PCSK5: variants seen among roughly 807,000 people sequenced by gnomAD.
PCSK5 encodes the protein prohormone convertase 5.
PCSK5 carries 129 observed loss-of-function variants against 233.2 expected under a neutral mutation model. That is an observed-to-expected ratio of 0.55 (90% CI 0.48 to 0.64). PCSK5 has a LOEUF of 0.64. PCSK5 is among the 30% of genes least tolerant of loss of function. The pLI is 0.00. For missense variants in PCSK5, 2,076 were observed against 2,430.1 expected, an observed-to-expected ratio of 0.85 and a Z score of 3.06; for synonymous variants, 825 against 879.2, an observed-to-expected ratio of 0.94 and a Z score of 1.09.
intron 34 of PCSK5, among the ~76,000 whole-genome samples, chr9:76,334,225 C>A (rs1829615424): frequency 6.6e-6 from 1 of 152,194 alleles, no homozygotes; most frequent in African/African-American, 2.4e-5. Context: ...CACAGGGTCC[C>A]TCCCACAGCA....
At chr9:76,104,830 T>C (rs908937083) in intron 8 of PCSK5, among the ~76,000 whole-genome samples, 7 of 80,968 alleles carry the variant, frequency 8.6e-5, no homozygotes, top group African/African-American at 3.4e-4. Context: ...GACAAAGGAA[T>C]GTGACCATGG....
At chr9:76,218,167 G>A (rs1587770832) in intron 20 of PCSK5, among the ~76,000 whole-genome samples, 1 of 152,120 alleles carries the variant, frequency 6.6e-6, no homozygotes, top group Non-Finnish European at 1.5e-5. Context: ...ATTTCTGACC[G>A]ACTTTGACCT....
chr9:75,891,506 C>T lies in PCSK5; in HGVS notation c.192+133C>T, dbSNP rs933771773. ...GTTGCCCTAACTCTTGGGCGATGCT[C>T]TGTCTCCTGCGCGCGCGCGCGTACG... On this transcript the variant is annotated intron_variant, in intron 1 of 37. Transcript: ENST00000674117. The T allele has an allele frequency of 8.7e-6, 6 of 687,186 alleles. No individual in the cohort carries two copies. The African/African-American group carries it at 1.2e-4, about 14-fold the overall frequency. 42.6% of individuals were successfully genotyped at this position (687,186 alleles called of 1,614,324 possible).
chr9:76,135,783 A>G (rs977594368), intron 10 of PCSK5, among the ~76,000 whole-genome samples: 1 of 152,152 alleles, frequency 6.6e-6, no homozygotes, highest in Admixed American at 6.6e-5. Context: ...ACTTCTTAGT[A>G]GAAGGATCAC....
intron 12 of PCSK5, among the ~76,000 whole-genome samples, chr9:76,168,474 T>A (rs951424470): frequency 6.6e-6 from 1 of 152,228 alleles, no homozygotes; most frequent in Non-Finnish European, 1.5e-5. Flanking sequence ...ATTTTATACA[T>A]TATTAATGTC....
At chr9:76,296,903 C>T (rs560810737) in intron 27 of PCSK5, 38 bp downstream of exon 27, 98 of 1,318,376 alleles carry the variant, frequency 7.4e-5, no homozygotes, top group Admixed American at 2.2e-4. Context: ...AGGGGTCTAG[C>T]GACCTACTCT....
chr9:76,350,144 C>T lies in PCSK5; in HGVS notation c.4967-684C>T, dbSNP rs191399383. Among the ~76,000 whole-genome samples the T allele has an allele frequency of 3.4e-3, 513 of 151,372 alleles. 8 individuals carry two copies. The highest frequency in any genetic ancestry group is 0.012 in the African/African-American group (481 of 41,248). On this transcript the variant is annotated intron_variant, in intron 35 of 37. Transcript: ENST00000674117. The stretch of plus-strand genomic sequence containing the variant: ...AAAAAAAGAAAGAAAGACAGATCAA[C>T]GGATTATGAGTCAACAAACTTGAAT...
intron 24 of PCSK5, among the ~76,000 whole-genome samples, chr9:76,271,540 T>C (rs919676044): frequency 1.8e-4 from 27 of 152,092 alleles, no homozygotes; most frequent in African/African-American, 6.0e-4. Context: ...CAAAGTACTA[T>C]AAAATGAGTG....
chr9:76,323,406 C>A, intron 32 of PCSK5, 118 bp downstream of exon 32: 1 of 646,492 alleles, frequency 1.5e-6, no homozygotes, highest in South Asian at 2.0e-5. Flanking sequence ...TGTTTTGGGA[C>A]AAGGTCTCCC....
At chr9:75,986,572 A>G (rs902491944) in intron 3 of PCSK5, among the ~76,000 whole-genome samples, 1 of 152,342 alleles carries the variant, frequency 6.6e-6, no homozygotes, top group East Asian at 1.9e-4. Flanking sequence ...AGACCTATCA[A>G]TAATCATGTT....
chr9:76,283,619 G>C (rs1200715485), intron 24 of PCSK5, among the ~76,000 whole-genome samples: 1 of 152,142 alleles, frequency 6.6e-6, no homozygotes, highest in African/African-American at 2.4e-5. Context: ...AGGTGGTCTG[G>C]AACTGAACCC....
intron 1 of PCSK5, among the ~76,000 whole-genome samples, chr9:75,930,114 C>T (rs1219095906): frequency 1.3e-5 from 2 of 152,118 alleles, no homozygotes; most frequent in African/African-American, 4.8e-5. Context: ...CCAGCTATTT[C>T]GGCCTCCCAA....
intron 5 of PCSK5, among the ~76,000 whole-genome samples, chr9:76,047,183 G>A (rs558472405): frequency 3.4e-5 from 5 of 145,830 alleles, no homozygotes; most frequent in Middle Eastern, 3.7e-3. Flanking sequence ...TGCAAGCTCC[G>A]CCTCCTGGGT....
chr9:76,044,888 C>G (rs566182588), intron 5 of PCSK5, among the ~76,000 whole-genome samples: 1 of 152,240 alleles, frequency 6.6e-6, no homozygotes, highest in South Asian at 2.1e-4. Context: ...AAGACTATTT[C>G]TGCTTTGTAA....
chr9:76,282,769 A>G (rs987850822), intron 24 of PCSK5, among the ~76,000 whole-genome samples: 1 of 152,118 alleles, frequency 6.6e-6, no homozygotes, highest in Non-Finnish European at 1.5e-5. Context: ...TTTTTCAGCC[A>G]TTGCCCATCT....
chr9:76,129,449 C>G (rs1396750864), intron 9 of PCSK5, among the ~76,000 whole-genome samples: 1 of 152,128 alleles, frequency 6.6e-6, no homozygotes, highest in Non-Finnish European at 1.5e-5. Context: ...CTAGCTGTTG[C>G]TCCTCTTATT....
intron 30 of PCSK5, among the ~76,000 whole-genome samples, chr9:76,320,465 C>CTTTTTT (rs140154837): frequency 5.9e-5 from 6 of 102,020 alleles, no homozygotes; most frequent in Admixed American, 1.1e-4. Context: ...TACATTGTAG[C>CTTTTTT]TTTTTTTTTT....
chr9:76,185,817 C>T (rs1253689637), intron 17 of PCSK5, among the ~76,000 whole-genome samples: 2 of 152,116 alleles, frequency 1.3e-5, no homozygotes, highest in Non-Finnish European at 2.9e-5. Context: ...ATTTTCTCCT[C>T]TATAAAATGA....
intron 1 of PCSK5, among the ~76,000 whole-genome samples, chr9:75,908,951 C>T (rs568843445): frequency 9.1e-6 from 1 of 110,320 alleles, no homozygotes; most frequent in South Asian, 2.6e-4. Context: ...GTCTATCTAT[C>T]TATCTATCTA....
Sources: allele counts gnomAD v4.1 joint callset (sites outside exome capture counted in the v4.1 genomes callset), GRCh38; gene constraint gnomAD v4.1.1; transcripts MANE v1.5; gene names NCBI Gene and HGNC (gene_info 2026-07-23, HGNC 2026-07-21).